Variants in SCN10A observed in about 807,000 individuals in gnomAD.
SCN10A encodes sodium channel protein type 10 subunit alpha.
Under a neutral mutation model 170.7 loss-of-function variants are expected in SCN10A, and 162 were observed. That is an observed-to-expected ratio of 0.95 (90% CI 0.84 to 1.08). SCN10A has a LOEUF of 1.08. SCN10A is among the 50% of genes least tolerant of loss of function. SCN10A has a pLI of 0.00. For synonymous variants in SCN10A, 985 were observed against 904.6 expected (o/e 1.09, Z -1.59); for missense variants, 2,527 against 2,436.9 (o/e 1.04, Z -0.78).
intron 1 of SCN10A, among the ~76,000 whole-genome samples, chr3:38,808,887 G>A (rs2064422429): frequency 6.6e-6 from 1 of 152,214 alleles, no homozygotes; most frequent in African/African-American, 2.4e-5. Flanking sequence ...ATTTGTAAAT[G>A]AGGGGTTCTG....
At chr3:38,725,815 C>G (rs1269690228) in intron 17 of SCN10A, among the ~76,000 whole-genome samples, 1 of 152,234 alleles carries the variant, frequency 6.6e-6, no homozygotes, top group African/African-American at 2.4e-5. Flanking sequence ...AGTTCATGCT[C>G]TCTGCTGTTA....
chr3:38,735,936 G>GAA (rs1426021843), intron 15 of SCN10A, among the ~76,000 whole-genome samples: 6 of 152,160 alleles, frequency 3.9e-5, no homozygotes, highest in Non-Finnish European at 8.8e-5. Context: ...AAGAAACTCT[G>GAA]GTTTTTGCCT....
Position 38,728,912 on chromosome 3 carries a change from A to G in SCN10A, c.2281-11T>C, listed in dbSNP as rs142203398. On this transcript the variant is annotated splice_polypyrimidine_tract_variant and intron_variant, in intron 15 of 27. Transcript: ENST00000449082. ...CTTGAATACGCGCAGCTGCAGAGAA[A>G]CAGAGACCGTCAGGTTTTGGTAGCT... 11 of 1,594,390 alleles carry G rather than the reference A, an allele frequency of 6.9e-6. No individual in the cohort carries two copies. In the African/African-American group the frequency reaches 1.3e-4, roughly 19 times the overall value.
intron 26 of SCN10A, 129 bp downstream of exon 26, chr3:38,707,150 T>A: frequency 3.3e-6 from 3 of 896,676 alleles, no homozygotes; most frequent in Non-Finnish European, 5.0e-6. Context: ...CTCATCACCC[T>A]CATCCCAACG....
intron 23 of SCN10A, among the ~76,000 whole-genome samples, chr3:38,711,350 A>T (rs1330391632): frequency 6.6e-6 from 1 of 152,240 alleles, no homozygotes; most frequent in African/African-American, 2.4e-5. Context: ...CAGCTTTAGC[A>T]TTCTTGAGGT....
At chr3:38,808,347 C>A (rs1255971797) in intron 1 of SCN10A, among the ~76,000 whole-genome samples, 1 of 152,150 alleles carries the variant, frequency 6.6e-6, no homozygotes, top group African/African-American at 2.4e-5. Flanking sequence ...ACAACCATTC[C>A]TGACTGTCTG....
At chr3:38,743,711 T>C (rs2063657753) in intron 13 of SCN10A, among the ~76,000 whole-genome samples, 1 of 152,196 alleles carries the variant, frequency 6.6e-6, no homozygotes, top group South Asian at 2.1e-4. Flanking sequence ...CCACTTCTTT[T>C]CACTTTCTGT....
intron 16 of SCN10A, 104 bp from the exon 17 acceptor site, chr3:38,727,156 C>T: frequency 9.8e-7 from 1 of 1,020,756 alleles, no homozygotes; most frequent in South Asian, 1.5e-5. Context: ...CGGCCTGGGC[C>T]TCTTCCTGCC....
Position 38,718,545 on chromosome 3 carries a change from T to G in SCN10A, c.3681+108A>C, listed in dbSNP as rs1041101720. On this transcript the variant is annotated intron_variant, in intron 21 of 27. Transcript: ENST00000449082. ...CTCACTAAATGCTCAAAACTTTTCT[T>G]TGGAGTAGCCCTTGAGGGCCAGGTC... 3.4e-6 allele frequency: 4 copies of G among 1,162,634 alleles called. No homozygotes were observed. In the South Asian group the frequency reaches 5.9e-5, roughly 17 times the overall value. 72.0% of individuals were successfully genotyped at this position (1,162,634 alleles called of 1,614,324 possible).
intron 6 of SCN10A, 125 bp from the exon 7 acceptor site, chr3:38,761,508 A>T: frequency 5.6e-6 from 4 of 708,496 alleles, no homozygotes; most frequent in South Asian, 3.5e-5. Context: ...ACTCCAGGGC[A>T]GTTCCAAGAC....
chr3:38,736,106 C>T (rs947218076), intron 15 of SCN10A, among the ~76,000 whole-genome samples: 6 of 152,120 alleles, frequency 3.9e-5, no homozygotes, highest in Non-Finnish European at 7.3e-5. Context: ...GAAAAGTATT[C>T]CAGGCACAGC....
At chr3:38,699,022 G>C (rs1559407552) in intron 27 of SCN10A, among the ~76,000 whole-genome samples, 1 of 151,950 alleles carries the variant, frequency 6.6e-6, no homozygotes, top group Non-Finnish European at 1.5e-5. Context: ...GACCCCTTAT[G>C]ATTCCTCTCC....
intron 15 of SCN10A, among the ~76,000 whole-genome samples, chr3:38,730,579 C>T (rs1226367602): frequency 6.6e-6 from 1 of 151,816 alleles, no homozygotes; most frequent in Non-Finnish European, 1.5e-5. Flanking sequence ...AATTATTAGT[C>T]AGAGATAACA....
At chr3:38,718,898 A>C in intron 20 of SCN10A, 72 bp from the exon 21 acceptor site, 1 of 1,454,580 alleles carries the variant, frequency 6.9e-7, no homozygotes, top group Non-Finnish European at 9.4e-7. Flanking sequence ...CTGATAGGGA[A>C]GGACCCAGCC....
At chr3:38,799,717 A>G (rs2064360260) in intron 1 of SCN10A, among the ~76,000 whole-genome samples, 1 of 150,348 alleles carries the variant, frequency 6.7e-6, no homozygotes, top group African/African-American at 2.4e-5. Flanking sequence ...TGCTTCTCAT[A>G]TAAAGTTTTT....
chr3:38,710,509 C>A (rs1202769089), intron 24 of SCN10A, among the ~76,000 whole-genome samples: 1 of 152,176 alleles, frequency 6.6e-6, no homozygotes, highest in African/African-American at 2.4e-5. Flanking sequence ...TCCCTATGCA[C>A]CTTGATTTAG....
At chr3:38,792,979 A>AT (rs1256864544) in intron 2 of SCN10A, among the ~76,000 whole-genome samples, 3 of 152,016 alleles carry the variant, frequency 2.0e-5, no homozygotes, top group African/African-American at 7.2e-5. Context: ...ATGCTTATAT[A>AT]CCTATATATA....
intron 21 of SCN10A, among the ~76,000 whole-genome samples, chr3:38,718,358 G>A (rs2063353777): frequency 6.6e-6 from 1 of 152,200 alleles, no homozygotes; most frequent in African/African-American, 2.4e-5. Context: ...TAAGACCTCT[G>A]AGAGCTGCAT....
At position 38,764,970 on chromosome 3, in the gene SCN10A, AT is replaced by A. The variant is rs1281927262; in HGVS notation, c.600-1375del. On this transcript the variant is annotated intron_variant, in intron 5 of 27. Coordinates refer to ENST00000449082, the MANE Select transcript of SCN10A (RefSeq NM_006514.4). ...TCCCTGATAATTAATGATGTTGAGC[AT>A]TTTTTTTTCCTGTTCATTGGCCATT... is the stretch of plus-strand genomic sequence containing the variant. Among the ~76,000 whole-genome samples the A allele has an allele frequency of 2.9e-4, 44 of 151,188 alleles. 1 individual carries two copies. Among genetic ancestry groups the A allele is most frequent in the Admixed American group, 1.3e-3 (20 of 15,196 alleles).
Sources: allele counts gnomAD v4.1 joint callset (sites outside exome capture counted in the v4.1 genomes callset), GRCh38; gene constraint gnomAD v4.1.1; transcripts MANE v1.5; gene names NCBI Gene and HGNC (gene_info 2026-07-23, HGNC 2026-07-21).